The following TRAF6 variants were observed in gnomAD, a reference collection of about 807,000 sequenced individuals.
TRAF6 encodes the protein TNF receptor associated factor 6, also known as TNF receptor-associated factor 6.
TRAF6 carries 10 observed loss-of-function variants against 48.4 expected under a neutral mutation model. The ratio of observed to expected loss-of-function variants is 0.21; its 90% CI spans 0.13 to 0.35. The LOEUF (loss-of-function observed/expected upper bound fraction) is 0.35, where lower values mean the gene tolerates loss of function less well. TRAF6 is among the 10% of genes least tolerant of loss of function. The pLI is 1.00. For synonymous variants in TRAF6, 186 were observed against 219.6 expected (o/e 0.85, Z 1.35); for missense variants, 397 against 661.0 (o/e 0.60, Z 4.38).
intron 1 of TRAF6, among the ~76,000 whole-genome samples, chr11:36,508,182 T>TA (rs1219683317): frequency 6.6e-6 from 1 of 152,096 alleles, no homozygotes; most frequent in Non-Finnish European, 1.5e-5. Flanking sequence ...CTAGTATACT[T>TA]ACGTGGCTTT....
intron 1 of TRAF6, among the ~76,000 whole-genome samples, chr11:36,502,506 C>T (rs1859731653): frequency 6.6e-6 from 1 of 152,108 alleles, no homozygotes; most frequent in South Asian, 2.1e-4. Context: ...TGTCAGATAT[C>T]ATTCAAGAAA....
intron 1 of TRAF6, among the ~76,000 whole-genome samples, chr11:36,507,746 C>T (rs1859824016): frequency 7.4e-6 from 1 of 134,408 alleles, no homozygotes; most frequent in African/African-American, 2.8e-5. Flanking sequence ...TATACACATA[C>T]ATACATGTAT....
In TRAF6 at chr11:36,501,557, A is replaced by T. The variant is rs766763923; in HGVS notation, c.-22-20T>A. ...CTTGCTCTGTAGAAATAGCAAGAAA[A>T]AAATGCCTTTATAAGTAACACACAC... On this transcript the variant is annotated intron_variant, in intron 1 of 6. Transcript: ENST00000526995. 2.0e-6 allele frequency: 3 copies of T among 1,532,280 alleles called. No individual in the cohort carries two copies. Among genetic ancestry groups the T allele is most frequent in the African/African-American group, 2.7e-5 (2 of 72,792 alleles). 94.9% of individuals were successfully genotyped at this position (1,532,280 alleles called of 1,614,324 possible).
chr11:36,499,759 T>C (rs1859691342), intron 2 of TRAF6, among the ~76,000 whole-genome samples: 1 of 151,460 alleles, frequency 6.6e-6, no homozygotes, highest in Non-Finnish European at 1.5e-5. Flanking sequence ...TACTCTTAAA[T>C]TCAAGTTTTA....
intron 5 of TRAF6, among the ~76,000 whole-genome samples, chr11:36,493,181 A>C (rs931263723): frequency 2.0e-5 from 3 of 152,242 alleles, no homozygotes; most frequent in African/African-American, 7.2e-5. Context: ...GAAGCTCTAA[A>C]AAAAGTCTCA....
At chr11:36,505,921 C>T (rs1859778370) in intron 1 of TRAF6, among the ~76,000 whole-genome samples, 1 of 152,090 alleles carries the variant, frequency 6.6e-6, no homozygotes, top group Non-Finnish European at 1.5e-5. Flanking sequence ...AGTTCATCAT[C>T]TCATATGGGT....
intron 6 of TRAF6, 76 bp downstream of exon 6, chr11:36,492,475 G>T: frequency 2.6e-6 from 3 of 1,158,922 alleles, no homozygotes; most frequent in Non-Finnish European, 3.8e-6. Flanking sequence ...CTACATTCTT[G>T]TTGTTATTCT....
chr11:36,486,192 A>G lies in TRAF6; in HGVS notation c.*3646T>C, dbSNP rs995406700. 8.5e-5 allele frequency among the ~76,000 whole-genome samples: 13 copies of G among 152,122 alleles called. No homozygotes were observed. The highest frequency in any genetic ancestry group is 3.1e-4 in the African/African-American group (13 of 41,372). On this transcript the variant is annotated 3_prime_UTR_variant, in exon 7 of 7. Transcript: ENST00000526995. ...GAAGCTGGGATTACAGGCATGTATC[A>G]TGACACCTGGCTAATTTTTGTATTT...
chr11:36,496,953 A>C (rs1252963201), intron 4 of TRAF6, among the ~76,000 whole-genome samples, 155 bp downstream of exon 4: 1 of 152,240 alleles, frequency 6.6e-6, no homozygotes, highest in African/African-American at 2.4e-5. Context: ...TGGCTTATTG[A>C]ACCTTCTTTT....
Position 36,510,161 on chromosome 11 carries a change from C to T in TRAF6, c.-136G>A, listed in dbSNP as rs1461159511. 6.6e-6 allele frequency: 1 copy of T among 152,370 alleles called. No homozygotes were observed. Among genetic ancestry groups the T allele is most frequent in the Non-Finnish European group, 1.5e-5 (1 of 68,190 alleles). The allele number at this position is 152,370 out of a possible 1,614,324, so 9.4% of individuals were successfully genotyped here. ...CGGACACAGACACTGCGCGCCGAGA[C>T]GAGGCTGCTTGGACGGCAAACTCTG... On this transcript the variant is annotated 5_prime_UTR_variant, in exon 1 of 7. Coordinates refer to ENST00000526995, the MANE Select transcript of TRAF6 (RefSeq NM_004620.4).
chr11:36,501,574 A>G, intron 1 of TRAF6, 37 bp from the exon 2 acceptor site: 14 of 1,455,840 alleles, frequency 9.6e-6, no homozygotes, highest in Non-Finnish European at 1.2e-5. Flanking sequence ...CTTTATAAGT[A>G]ACACACACAC....
rs1428968772 is a variant in TRAF6, at chr11:36,485,134, G to A, written c.*4704C>T. Among the ~76,000 whole-genome samples the A allele has an allele frequency of 1.3e-5, 2 of 152,038 alleles. No individual in the cohort carries two copies. Among genetic ancestry groups the A allele is most frequent in the African/African-American group, 2.4e-5 (1 of 41,336 alleles). On this transcript the variant is annotated 3_prime_UTR_variant, in exon 7 of 7. Transcript: ENST00000526995. Reference sequence around the variant, plus strand: ...TAACATAATATTACTGCAGATTCTAGGTCGTAGATGTTCACTATACAAGTC... The same window carrying A: ...TAACATAATATTACTGCAGATTCTAAGTCGTAGATGTTCACTATACAAGTC...
rs553388757 is a variant in TRAF6, at chr11:36,484,170, C to G, written c.*5668G>C. Among the ~76,000 whole-genome samples the G allele has an allele frequency of 2.8e-4, 43 of 152,292 alleles. No individual in the cohort carries two copies. Among genetic ancestry groups the G allele is most frequent in the African/African-American group, 1.0e-3 (43 of 41,554 alleles). The stretch of plus-strand genomic sequence containing the variant: ...GGAGCAGGGCTTGTTTTATGCGCTC[C>G]GTGCATGCTGATGGTGCAGGGAGTG... On this transcript the variant is annotated 3_prime_UTR_variant, in exon 7 of 7. Coordinates refer to ENST00000526995, the MANE Select transcript of TRAF6 (RefSeq NM_004620.4).
At position 36,501,326 on chromosome 11, in the gene TRAF6, G is replaced by A. The variant is rs1859712259; in HGVS notation, c.190C>T (p.Leu64=). Residue 64 remains leucine (L), a synonymous_variant, in exon 2 of 7, where the codon CTG becomes TTG. Coordinates refer to ENST00000526995, the MANE Select transcript of TRAF6 (RefSeq NM_004620.4). ...QGYDVEFDPP[L]ESKYECPICL... ...ATGGGGCATTCATACTTGCTTTCCA[G>A]GGGTGGGTCAAACTCTACATCATAT... The A allele has an allele frequency of 1.9e-6, 3 of 1,614,032 alleles. No homozygotes were observed. The highest frequency in any genetic ancestry group is 2.5e-6 in the Non-Finnish European group (3 of 1,180,026).
Position 36,486,073 on chromosome 11 carries a change from C to G in TRAF6, c.*3765G>C, listed in dbSNP as rs1435006640. On this transcript the variant is annotated 3_prime_UTR_variant, in exon 7 of 7. Coordinates refer to ENST00000526995, the MANE Select transcript of TRAF6 (RefSeq NM_004620.4). The stretch of plus-strand genomic sequence containing the variant: ...TTGTTTTGTGAGACAGTGTTGCACT[C>G]TGTCACCCAGGCTGGGGGTGCAGTG... 2.6e-5 allele frequency among the ~76,000 whole-genome samples: 1 copy of G among 39,042 alleles called. No individual in the cohort carries two copies. Among genetic ancestry groups the G allele is most frequent in the African/African-American group, 1.1e-4 (1 of 8,890 alleles). The allele number at this position is 39,042 out of a possible 152,430, so 25.6% of individuals were successfully genotyped here.
chr11:36,506,246 A>T (rs748106148), intron 1 of TRAF6, among the ~76,000 whole-genome samples: 18 of 152,078 alleles, frequency 1.2e-4, no homozygotes, highest in Non-Finnish European at 2.6e-4. Flanking sequence ...AATTTCCTAG[A>T]GGTAGAATTG....
At chr11:36,492,494 T>G in intron 6 of TRAF6, 57 bp downstream of exon 6, 1 of 1,316,698 alleles carries the variant, frequency 7.6e-7, no homozygotes, top group East Asian at 2.4e-5. Flanking sequence ...CTCCACTACA[T>G]GATGTAAATA....
chr11:36,496,893 G>GT (rs1370235718), intron 4 of TRAF6, among the ~76,000 whole-genome samples: 1 of 148,114 alleles, frequency 6.8e-6, no homozygotes, highest in Non-Finnish European at 1.5e-5. Context: ...TAGTATAAAT[G>GT]TTTTTTTAAG....
chr11:36,498,411 A>G, intron 3 of TRAF6, 79 bp downstream of exon 3: 1 of 1,369,494 alleles, frequency 7.3e-7, no homozygotes. Flanking sequence ...GGCAATACAC[A>G]GATGGACACA....
Sources: allele counts gnomAD v4.1 joint callset (sites outside exome capture counted in the v4.1 genomes callset), GRCh38; gene constraint gnomAD v4.1.1; transcripts MANE v1.5; gene names NCBI Gene and HGNC (gene_info 2026-07-23, HGNC 2026-07-21).